The following PCDH9 variants were observed in gnomAD, a reference collection of about 807,000 sequenced individuals.
PCDH9 encodes the protein protocadherin-9.
A neutral mutation model predicts 70.6 loss-of-function variants in PCDH9; 24 were observed. The observed-to-expected ratio is 0.34, with a 90% CI of 0.25 to 0.48. The LOEUF is 0.48. PCDH9 is among the 20% of genes least tolerant of loss of function. The pLI, the probability that PCDH9 is intolerant of heterozygous loss-of-function variation, is 0.99. For synonymous variants in PCDH9, 562 were observed against 558.5 expected, an observed-to-expected ratio of 1.01 and a Z score of -0.09; for missense variants, 1,281 against 1,503.6, an observed-to-expected ratio of 0.85 and a Z score of 2.45.
rs2077019671 is a variant in PCDH9, at chr13:66,590,103, G to A, written c.3340+41107C>T. Among the ~76,000 whole-genome samples, 3 of 151,922 alleles carry A rather than the reference G, an allele frequency of 2.0e-5. No homozygotes were observed. In the South Asian group the frequency reaches 6.2e-4, roughly 32 times the overall value. The stretch of plus-strand genomic sequence containing the variant: ...GCACACAAAGTTTCATCATCTAATG[G>A]GAAAAATACGGAGAACCCTAACAAA... On this transcript the variant is annotated intron_variant, in intron 4 of 4. Transcript: ENST00000377865.
At chr13:67,099,078 A>G (rs931152711) in intron 2 of PCDH9, among the ~76,000 whole-genome samples, 1 of 152,184 alleles carries the variant, frequency 6.6e-6, no homozygotes, top group Non-Finnish European at 1.5e-5. Flanking sequence ...TGTCACTGCA[A>G]TCATTCTAGT....
chr13:66,450,166 C>A (rs183324407), intron 4 of PCDH9, among the ~76,000 whole-genome samples: 1 of 152,222 alleles, frequency 6.6e-6, no homozygotes, highest in East Asian at 1.9e-4. Context: ...TATTTATGAT[C>A]TTTCAATATT....
chr13:66,530,497 T>A (rs939290601), intron 4 of PCDH9, among the ~76,000 whole-genome samples: 2 of 152,038 alleles, frequency 1.3e-5, no homozygotes, highest in Non-Finnish European at 2.9e-5. Flanking sequence ...TATCTTTTTT[T>A]ATTCTTAACA....
rs1490237351 is a variant in PCDH9, at chr13:67,228,283, T to C, written c.158A>G (p.Asn53Ser). 1.9e-6 allele frequency: 3 copies of C among 1,614,134 alleles called. No homozygotes were observed. The highest frequency in any genetic ancestry group is 2.2e-5 in the East Asian group (1 of 44,878). The change falls in exon 2 of 5, where the codon AAT (asparagine) becomes AGT (serine). Residue 53 changes from asparagine to serine, a missense_variant. Transcript: ENST00000377865. ...GCTGGCGCTGGTCCCTGTGGCAGCA[T>C]TGATGTGAGAAATGTTCAGATCCTT... ...IPKDLNISHI[N>S]AATGTSASLV...
At chr13:66,878,484 C>A (rs2081860688) in intron 3 of PCDH9, among the ~76,000 whole-genome samples, 1 of 152,118 alleles carries the variant, frequency 6.6e-6, no homozygotes, top group South Asian at 2.1e-4. Flanking sequence ...GCCTTGGACT[C>A]CCAAACTGCT....
chr13:67,175,062 G>A (rs576971539), intron 2 of PCDH9, among the ~76,000 whole-genome samples: 7 of 151,852 alleles, frequency 4.6e-5, no homozygotes, highest in African/African-American at 1.7e-4. Flanking sequence ...CTTGAGCCCA[G>A]AAGGTGGAGC....
chr13:66,352,193 A>G (rs1956303978), intron 4 of PCDH9, among the ~76,000 whole-genome samples: 1 of 152,214 alleles, frequency 6.6e-6, no homozygotes, highest in African/African-American at 2.4e-5. Flanking sequence ...AGTGTTACAC[A>G]ATGAAACAGT....
intron 2 of PCDH9, among the ~76,000 whole-genome samples, chr13:66,976,026 T>C (rs974240158): frequency 1.3e-5 from 2 of 151,946 alleles, no homozygotes; most frequent in African/African-American, 4.8e-5. Flanking sequence ...GTGAAATTGG[T>C]AGAGAAAAAT....
At chr13:66,785,320 T>TTAAAAGAC (rs2080062225) in intron 3 of PCDH9, among the ~76,000 whole-genome samples, 2 of 152,152 alleles carry the variant, frequency 1.3e-5, no homozygotes, top group Non-Finnish European at 2.9e-5. Context: ...AAATTTTGAG[T>TTAAAAGAC]TAAAAGACTT....
chr13:66,313,982 C>T (rs1276715956), intron 4 of PCDH9, among the ~76,000 whole-genome samples: 5 of 152,146 alleles, frequency 3.3e-5, no homozygotes, highest in African/African-American at 1.2e-4. Flanking sequence ...TAGGTATACG[C>T]GTGTGTATTT....
chr13:66,500,590 A>T (rs929745027), intron 4 of PCDH9, among the ~76,000 whole-genome samples: 3 of 151,994 alleles, frequency 2.0e-5, no homozygotes, highest in African/African-American at 7.2e-5. Flanking sequence ...AATGGTGATT[A>T]CTGTTATTTT....
intron 4 of PCDH9, among the ~76,000 whole-genome samples, chr13:66,582,943 C>A (rs571805857): frequency 4.7e-4 from 71 of 152,210 alleles, no homozygotes; most frequent in African/African-American, 1.6e-3. Flanking sequence ...TTACTCTCCA[C>A]CCAAACACAT....
At chr13:67,078,364 T>C (rs566376434) in intron 2 of PCDH9, among the ~76,000 whole-genome samples, 35 of 152,298 alleles carry the variant, frequency 2.3e-4, no homozygotes, top group Non-Finnish European at 3.4e-4. Context: ...AAACCCACAT[T>C]AATCTCAAGG....
chr13:66,551,526 C>G (rs1345396706), intron 4 of PCDH9, among the ~76,000 whole-genome samples: 1 of 152,080 alleles, frequency 6.6e-6, no homozygotes, highest in Non-Finnish European at 1.5e-5. Context: ...GTCATGGTGA[C>G]AGCTAATCAA....
At chr13:67,220,388 A>T (rs1055202578) in intron 2 of PCDH9, 2 of 152,022 alleles carry the variant, frequency 1.3e-5, no homozygotes, top group Non-Finnish European at 2.9e-5. Flanking sequence ...AATCATAGTT[A>T]ATTATGAGAA....
intron 2 of PCDH9, among the ~76,000 whole-genome samples, chr13:67,106,489 T>C (rs2138255122): frequency 1.3e-5 from 2 of 152,370 alleles, no homozygotes; most frequent in Middle Eastern, 3.4e-3. Context: ...GATTTCATAT[T>C]TCATGGTGAA....
At chr13:67,080,373 C>T (rs1284257471) in intron 2 of PCDH9, among the ~76,000 whole-genome samples, 4 of 152,148 alleles carry the variant, frequency 2.6e-5, no homozygotes, top group Admixed American at 6.5e-5. Context: ...TTCCTATCCA[C>T]GTATTTCACC....
chr13:66,321,935 A>G (rs1593795491), intron 4 of PCDH9, among the ~76,000 whole-genome samples: 1 of 151,844 alleles, frequency 6.6e-6, no homozygotes, highest in Admixed American at 6.6e-5. Flanking sequence ...ATGGACTAGA[A>G]TATTCTAAGC....
At chr13:66,434,535 C>T (rs376512363) in intron 4 of PCDH9, among the ~76,000 whole-genome samples, 20 of 152,032 alleles carry the variant, frequency 1.3e-4, no homozygotes, top group African/African-American at 4.8e-4. Flanking sequence ...TAGTAGAATG[C>T]AGTGTTTGGC....
Sources: allele counts gnomAD v4.1 joint callset (sites outside exome capture counted in the v4.1 genomes callset), GRCh38; gene constraint gnomAD v4.1.1; transcripts MANE v1.5; gene names NCBI Gene and HGNC (gene_info 2026-07-23, HGNC 2026-07-21).